The following GUCA1C variants were observed in gnomAD, a reference collection of about 807,000 sequenced individuals.
GUCA1C encodes guanylate cyclase activator 1C.
Under a neutral mutation model 16.2 loss-of-function variants are expected in GUCA1C, and 15 were observed. That is an observed-to-expected ratio of 0.93 (90% CI 0.62 to 1.43). GUCA1C has a LOEUF of 1.43. GUCA1C is among the 40% of genes most tolerant of loss of function. The pLI is 0.00. For synonymous variants in GUCA1C, 78 were observed against 85.4 expected, an observed-to-expected ratio of 0.91 and a Z score of 0.48; for missense variants, 275 against 244.8, an observed-to-expected ratio of 1.12 and a Z score of -0.82.
chr3:108,926,264 T>C (rs930841571), intron 1 of GUCA1C, among the ~76,000 whole-genome samples: 3 of 152,232 alleles, frequency 2.0e-5, no homozygotes, highest in Non-Finnish European at 4.4e-5. Context: ...CTTTTGGTGT[T>C]CATTTGCTTG....
At chr3:108,932,804 C>A (rs1946683183) in intron 1 of GUCA1C, among the ~76,000 whole-genome samples, 1 of 151,588 alleles carries the variant, frequency 6.6e-6, no homozygotes, top group Non-Finnish European at 1.5e-5. Flanking sequence ...GCCTGTAATC[C>A]CAGCTACTTG....
intron 1 of GUCA1C, among the ~76,000 whole-genome samples, chr3:108,938,893 G>T (rs940708982): frequency 6.6e-6 from 1 of 152,194 alleles, no homozygotes; most frequent in Admixed American, 6.5e-5. Context: ...ATATCAGAAA[G>T]CCCTAGCCAT....
chr3:108,925,379 C>A (rs1322975078), intron 1 of GUCA1C, among the ~76,000 whole-genome samples: 1 of 152,116 alleles, frequency 6.6e-6, no homozygotes, highest in Non-Finnish European at 1.5e-5. Flanking sequence ...TCATTGTTGA[C>A]CCAACAATCA....
chr3:108,915,916 A>T (rs1946505133), intron 3 of GUCA1C: 1 of 567,594 alleles, frequency 1.8e-6, no homozygotes, highest in African/African-American at 1.9e-5. Context: ...ATATCCCAAC[A>T]TGTCAAGCAC....
chr3:108,945,499 A>G (rs1025546668), intron 1 of GUCA1C, among the ~76,000 whole-genome samples: 1 of 152,208 alleles, frequency 6.6e-6, no homozygotes, highest in African/African-American at 2.4e-5. Context: ...AAGTCGGTAG[A>G]ATTTTAATAA....
intron 3 of GUCA1C, among the ~76,000 whole-genome samples, chr3:108,910,577 G>A (rs1023258470): frequency 6.6e-6 from 1 of 151,952 alleles, no homozygotes; most frequent in Non-Finnish European, 1.5e-5. Flanking sequence ...ATGGGACTTA[G>A]AAGTAATCTG....
intron 1 of GUCA1C, among the ~76,000 whole-genome samples, chr3:108,935,534 GAAA>G (rs35237284): frequency 6.9e-6 from 1 of 144,024 alleles, no homozygotes; most frequent in South Asian, 2.2e-4. Flanking sequence ...ACTAAAAATA[GAAA>G]AAAAAAAAAT....
chr3:108,953,547 G>T lies in GUCA1C; in HGVS notation c.204+12C>A. On this transcript the variant is annotated intron_variant, in intron 1 of 3. Coordinates refer to ENST00000261047, the MANE Select transcript of GUCA1C (RefSeq NM_005459.4). ...AGCATTTTCAAATGAAATGAAAAAT[G>T]AAAGATCTTACCTTGTTCGTGTCAA... 18 of 1,493,498 alleles carry T rather than the reference G, an allele frequency of 1.2e-5. No individual in the cohort carries two copies. Among genetic ancestry groups the T allele is most frequent in the Non-Finnish European group, 1.4e-5 (15 of 1,071,718 alleles). The allele number at this position is 1,493,498 out of a possible 1,614,324, so 92.5% of individuals were successfully genotyped here.
intron 2 of GUCA1C, among the ~76,000 whole-genome samples, chr3:108,919,787 G>T (rs919138663): frequency 6.6e-6 from 1 of 152,094 alleles, no homozygotes; most frequent in Non-Finnish European, 1.5e-5. Flanking sequence ...AATGCTCTTT[G>T]AGTCTGCCTT....
At chr3:108,936,245 G>T (rs1468370851) in intron 1 of GUCA1C, among the ~76,000 whole-genome samples, 1 of 152,022 alleles carries the variant, frequency 6.6e-6, no homozygotes, top group Admixed American at 6.6e-5. Context: ...CTGGGTGACA[G>T]AGTGAGACCC....
Position 108,920,588 on chromosome 3 carries a change from A to G in GUCA1C, c.205-3T>C. The G allele has an allele frequency of 1.4e-6, 2 of 1,429,012 alleles. No homozygotes were observed. Among genetic ancestry groups the G allele is most frequent in the African/African-American group, 1.4e-5 (1 of 70,560 alleles). 88.5% of individuals were successfully genotyped at this position (1,429,012 alleles called of 1,614,324 possible). ...TCCAAAAAGTCAACAAATCCATCCTATGGAAAGTAAGATGAAAAGAGAAAT... is the reference window on the plus strand; with the variant it reads ...TCCAAAAAGTCAACAAATCCATCCTGTGGAAAGTAAGATGAAAAGAGAAAT... On this transcript the variant is annotated splice_polypyrimidine_tract_variant and splice_region_variant and intron_variant, in intron 1 of 3. Coordinates refer to ENST00000261047, the MANE Select transcript of GUCA1C (RefSeq NM_005459.4).
At chr3:108,941,158 G>T in intron 1 of GUCA1C, among the ~76,000 whole-genome samples, 1 of 152,092 alleles carries the variant, frequency 6.6e-6, no homozygotes, top group East Asian at 1.9e-4. Flanking sequence ...CACATCCACT[G>T]TAATAATCAT....
At chr3:108,923,848 C>T (rs1415804347) in intron 1 of GUCA1C, among the ~76,000 whole-genome samples, 1 of 152,096 alleles carries the variant, frequency 6.6e-6, no homozygotes, top group Non-Finnish European at 1.5e-5. Context: ...TTGTAGTTTT[C>T]CTCGTAGAGG....
At chr3:108,936,850 GC>G (rs1946732250) in intron 1 of GUCA1C, among the ~76,000 whole-genome samples, 1 of 152,138 alleles carries the variant, frequency 6.6e-6, no homozygotes, top group Admixed American at 6.5e-5. Flanking sequence ...GAGACTTTGA[GC>G]CCAGACAGCT....
intron 1 of GUCA1C, among the ~76,000 whole-genome samples, chr3:108,933,384 G>A (rs1247961972): frequency 6.6e-6 from 1 of 152,144 alleles, no homozygotes; most frequent in Admixed American, 6.5e-5. Context: ...GTTCTGGAGT[G>A]GATTCCAGGG....
intron 3 of GUCA1C, among the ~76,000 whole-genome samples, chr3:108,911,922 A>G (rs1310252152): frequency 2.0e-5 from 3 of 151,960 alleles, no homozygotes; most frequent in African/African-American, 7.2e-5. Flanking sequence ...CCTGGCCAAT[A>G]TGGTGAAACC....
chr3:108,937,081 AATGCCCTTCC>A (rs1440046315), intron 1 of GUCA1C, among the ~76,000 whole-genome samples: 1 of 152,126 alleles, frequency 6.6e-6, no homozygotes, highest in Non-Finnish European at 1.5e-5. Context: ...AATGTTCCCA[AATGCCCTTCC>A]AAGGCCTGAC....
At position 108,926,815 on chromosome 3, in the gene GUCA1C, A is replaced by G. The variant is rs565812203; in HGVS notation, c.205-6230T>C. Among the ~76,000 whole-genome samples the G allele has an allele frequency of 3.1e-3, 459 of 147,228 alleles. 1 individual carries two copies. Among genetic ancestry groups the G allele is most frequent in the South Asian group, 4.9e-3 (23 of 4,650 alleles). On this transcript the variant is annotated intron_variant, in intron 1 of 3. Coordinates refer to ENST00000261047, the MANE Select transcript of GUCA1C (RefSeq NM_005459.4). ...TTTTTCTTTTCATTGTGTTATTGTT[A>G]TATAGGTCCTGTGAGATTTATGCTT...
intron 1 of GUCA1C, among the ~76,000 whole-genome samples, chr3:108,945,427 T>C (rs1457272523): frequency 1.3e-5 from 2 of 152,244 alleles, no homozygotes; most frequent in Non-Finnish European, 2.9e-5. Flanking sequence ...ACTTTCATTT[T>C]GTACTCATCA....
Sources: gnomAD v4.1 joint callset for allele counts (sites outside exome capture counted in the v4.1 genomes callset) on GRCh38, gnomAD v4.1.1 for gene constraint, MANE v1.5 for transcripts, NCBI Gene and HGNC (gene_info 2026-07-23, HGNC 2026-07-21) for gene names.